Variants in MAP3K1 observed in about 807,000 individuals in gnomAD.
The protein encoded by MAP3K1 is MAP/ERK kinase kinase 1.
In MAP3K1, 36 loss-of-function variants were observed where a neutral mutation model predicts 144.2. That is an observed-to-expected ratio of 0.25 (90% CI 0.19 to 0.33). The LOEUF is 0.33. Ranked by LOEUF, MAP3K1 falls within the 10% of genes least tolerant of loss-of-function variation. The pLI is 1.00. For synonymous variants in MAP3K1, 718 were observed against 688.7 expected (o/e 1.04, Z -0.67); for missense variants, 1,650 against 1,881.9 (o/e 0.88, Z 2.28).
At position 56,879,019 on chromosome 5, in the gene MAP3K1, A is replaced by T; in HGVS notation, c.2005A>T (p.Ser669Cys). ...RAMLVYTPCHSLAERIKLQRL... is the reference protein window; with the variant it reads ...RAMLVYTPCHCLAERIKLQRL... ...CATGCTGGTATATACTCCTTGCCAC[A>T]GTTTAGCGGAAAGAATCAAACTTCA... Residue 669 changes from serine to cysteine, a missense_variant, in exon 11 of 20, where the codon AGT (serine) becomes TGT (cysteine). Physicochemically the swap from Ser to Cys is moderately radical, Grantham distance 112. This residue lies in a region of MAP3K1 where 841 missense variants were observed against 886.5 expected (regional missense o/e 0.95). Coordinates refer to ENST00000399503, the MANE Select transcript of MAP3K1 (RefSeq NM_005921.2). The T allele has an allele frequency of 6.2e-7, 1 of 1,613,904 alleles. No homozygotes were observed. Among genetic ancestry groups the T allele is most frequent in the Non-Finnish European group, 8.5e-7 (1 of 1,179,864 alleles).
At chr5:56,852,560 TGTAATA>T (rs1433046013) in intron 1 of MAP3K1, among the ~76,000 whole-genome samples, 1 of 152,242 alleles carries the variant, frequency 6.6e-6, no homozygotes, top group Non-Finnish European at 1.5e-5. Flanking sequence ...AAGCTTGATC[TGTAATA>T]GTGCTTAAGT....
chr5:56,829,649 A>G (rs1746429371), intron 1 of MAP3K1, among the ~76,000 whole-genome samples: 1 of 152,110 alleles, frequency 6.6e-6, no homozygotes, highest in Admixed American at 6.5e-5. Flanking sequence ...TACTGTTGTG[A>G]TCAGTTATTA....
chr5:56,844,369 C>T (rs890783158), intron 1 of MAP3K1, among the ~76,000 whole-genome samples: 4 of 151,380 alleles, frequency 2.6e-5, no homozygotes, highest in Admixed American at 1.3e-4. Flanking sequence ...TTAGTAGAGA[C>T]GGGGTTTCAC....
intron 1 of MAP3K1, among the ~76,000 whole-genome samples, chr5:56,853,315 A>G (rs1447183825): frequency 6.6e-6 from 1 of 152,210 alleles, no homozygotes; most frequent in Non-Finnish European, 1.5e-5. Context: ...ATATTTGCAG[A>G]TTAATTTAGG....
chr5:56,875,906 A>G (rs536164922), intron 10 of MAP3K1, among the ~76,000 whole-genome samples: 30 of 152,336 alleles, frequency 2.0e-4, no homozygotes, highest in African/African-American at 7.2e-4. Flanking sequence ...ATATTAAGGA[A>G]GATATGTTTT....
intron 4 of MAP3K1, 78 bp downstream of exon 4, chr5:56,865,012 T>C: frequency 7.8e-7 from 1 of 1,283,156 alleles, no homozygotes; most frequent in Non-Finnish European, 1.1e-6. Flanking sequence ...ATAATGTTCT[T>C]AAATTTAGAT....
chr5:56,874,017 G>GT (rs1341262344), intron 9 of MAP3K1, among the ~76,000 whole-genome samples: 1 of 152,106 alleles, frequency 6.6e-6, no homozygotes, highest in Non-Finnish European at 1.5e-5. Flanking sequence ...GGTCTAGTTT[G>GT]TTTTGCCTAA....
chr5:56,860,931 T>A (rs1464086682), intron 3 of MAP3K1, among the ~76,000 whole-genome samples: 1 of 152,104 alleles, frequency 6.6e-6, no homozygotes, highest in Non-Finnish European at 1.5e-5. Flanking sequence ...AAACAAAAAT[T>A]AGAATTTTAG....
intron 1 of MAP3K1, among the ~76,000 whole-genome samples, chr5:56,827,846 A>G (rs958812083): frequency 2.6e-5 from 4 of 151,182 alleles, no homozygotes; most frequent in Non-Finnish European, 4.4e-5. Context: ...CCTGGGTGAC[A>G]TGACGAAAAC....
chr5:56,854,123 C>G (rs926648249), intron 1 of MAP3K1, among the ~76,000 whole-genome samples: 1 of 152,102 alleles, frequency 6.6e-6, no homozygotes, highest in Non-Finnish European at 1.5e-5. Context: ...TTTAACCCAG[C>G]ATTTCCATTT....
intron 10 of MAP3K1, among the ~76,000 whole-genome samples, chr5:56,878,489 C>T (rs1748107093): frequency 6.6e-6 from 1 of 152,104 alleles, no homozygotes; most frequent in Non-Finnish European, 1.5e-5. Context: ...CTATTTTCCT[C>T]ATTCCTTCTA....
chr5:56,854,477 A>T (rs970825456), intron 1 of MAP3K1, among the ~76,000 whole-genome samples: 1 of 151,680 alleles, frequency 6.6e-6, no homozygotes, highest in African/African-American at 2.4e-5. Context: ...AAATAATCTC[A>T]TAGTCCTTAA....
chr5:56,880,828 T>C (rs1408929818), intron 12 of MAP3K1, 26 bp downstream of exon 12: 2 of 1,543,658 alleles, frequency 1.3e-6, no homozygotes, highest in Non-Finnish European at 1.8e-6. Context: ...TTAAAAGGAA[T>C]ATAGCATATT....
chr5:56,829,520 CTG>C (rs1746425644), intron 1 of MAP3K1, among the ~76,000 whole-genome samples: 1 of 152,070 alleles, frequency 6.6e-6, no homozygotes, highest in Admixed American at 6.6e-5. Flanking sequence ...TGAACTGAAA[CTG>C]TTCATAATTC....
rs373003943 is a variant in MAP3K1 at position 56,882,271 on chromosome 5, A to C, written c.3071A>C (p.Lys1024Thr). The change falls in exon 14 of 20, where the codon AAG (lysine) becomes ACG (threonine). Residue 1024 changes from lysine to threonine, a missense_variant. Lys to Thr is a moderately conservative substitution (Grantham distance 78). This residue lies in a region of MAP3K1 where 841 missense variants were observed against 886.5 expected (regional missense o/e 0.95). Transcript: ENST00000399503. Reference sequence around the variant, plus strand: ...TCTGCATCTCCTCAAACACAGCGCAAGTTTTCTCTACAATTCCACAGAAAC... The same window carrying C: ...TCTGCATCTCCTCAAACACAGCGCACGTTTTCTCTACAATTCCACAGAAAC... ...IPSASPQTQRKFSLQFHRNCP... is the reference protein window; with the variant it reads ...IPSASPQTQRTFSLQFHRNCP... 2.5e-6 allele frequency: 4 copies of C among 1,614,112 alleles called. No individual in the cohort carries two copies. Among genetic ancestry groups the C allele is most frequent in the African/African-American group, 1.3e-5 (1 of 75,044 alleles).
intron 1 of MAP3K1, among the ~76,000 whole-genome samples, chr5:56,850,515 G>GT (rs1250902198): frequency 6.6e-6 from 1 of 152,138 alleles, no homozygotes; most frequent in East Asian, 1.9e-4. Context: ...CGTCACTGTT[G>GT]TAAAAACTTA....
At chr5:56,842,398 G>T (rs1746841661) in intron 1 of MAP3K1, among the ~76,000 whole-genome samples, 1 of 152,184 alleles carries the variant, frequency 6.6e-6, no homozygotes, top group African/African-American at 2.4e-5. Flanking sequence ...CTTTCTGCAG[G>T]TTTCTTCATC....
At chr5:56,852,782 T>C (rs929484403) in intron 1 of MAP3K1, among the ~76,000 whole-genome samples, 4 of 152,150 alleles carry the variant, frequency 2.6e-5, no homozygotes, top group Non-Finnish European at 5.9e-5. Context: ...TGGAGATGGC[T>C]CTCATCTCCC....
At chr5:56,880,545 T>C (rs894770246) in intron 11 of MAP3K1, among the ~76,000 whole-genome samples, 166 bp from the exon 12 acceptor site, 4 of 152,154 alleles carry the variant, frequency 2.6e-5, no homozygotes, top group Non-Finnish European at 5.9e-5. Context: ...TAAATGAATA[T>C]TACTACTTAT....
Sources: allele counts gnomAD v4.1 joint callset (sites outside exome capture counted in the v4.1 genomes callset), GRCh38; gene constraint gnomAD v4.1.1; regional missense constraint gnomAD v4.1.1; transcripts MANE v1.5; gene names NCBI Gene and HGNC (gene_info 2026-07-23, HGNC 2026-07-21).